Variants in ITGA9 observed in about 807,000 individuals in gnomAD.
ITGA9 encodes the protein integrin subunit alpha 9, also known as integrin alpha-9.
Under a neutral mutation model 127.8 loss-of-function variants are expected in ITGA9, and 56 were observed. That is an observed-to-expected ratio of 0.44 (90% CI 0.35 to 0.55). The LOEUF (loss-of-function observed/expected upper bound fraction) is 0.55, where lower values mean the gene tolerates loss of function less well. Among genes scored for constraint, ITGA9 ranks in the 20% least tolerant of loss-of-function variants. ITGA9 has a pLI of 0.00. For missense variants in ITGA9, 1,196 were observed against 1,347.1 expected (o/e 0.89, Z 1.76); for synonymous variants, 508 against 514.5 (o/e 0.99, Z 0.17).
At chr3:37,818,285 A>C (rs1383057813) in intron 27 of ITGA9, 1 of 99,590 alleles carries the variant, frequency 1.0e-5, no homozygotes, top group Non-Finnish European at 1.8e-5. Flanking sequence ...TTTGAGATGG[A>C]GTCTCACTCT....
At chr3:37,654,131 G>T (rs1700454238) in intron 17 of ITGA9, among the ~76,000 whole-genome samples, 1 of 150,722 alleles carries the variant, frequency 6.6e-6, no homozygotes, top group Non-Finnish European at 1.5e-5. Flanking sequence ...TGAACTTTTG[G>T]ACAATTTCAT....
chr3:37,697,293 T>C (rs2125670725), intron 18 of ITGA9, among the ~76,000 whole-genome samples: 1 of 147,466 alleles, frequency 6.8e-6, no homozygotes, highest in South Asian at 2.2e-4. Context: ...TTAGTACAAA[T>C]AACGACTACT....
At chr3:37,457,841 T>G (rs1698277562) in intron 1 of ITGA9, among the ~76,000 whole-genome samples, 1 of 152,166 alleles carries the variant, frequency 6.6e-6, no homozygotes, top group South Asian at 2.1e-4. Context: ...TCTTGCCCAG[T>G]GGAGAACCTT....
chr3:37,457,753 T>C (rs1291284124), intron 1 of ITGA9, among the ~76,000 whole-genome samples: 2 of 152,242 alleles, frequency 1.3e-5, no homozygotes, highest in East Asian at 3.8e-4. Context: ...GGGAAATTTC[T>C]CTGAAGATCT....
chr3:37,690,943 G>C (rs1700825769), intron 18 of ITGA9, among the ~76,000 whole-genome samples: 1 of 152,140 alleles, frequency 6.6e-6, no homozygotes, highest in African/African-American at 2.4e-5. Flanking sequence ...TGGGCAATGG[G>C]GCTTATTCCT....
At chr3:37,700,620 A>G (rs6550500) in intron 18 of ITGA9, among the ~76,000 whole-genome samples, 38,967 of 151,976 alleles carry the variant, frequency 0.26, 7,924 homozygotes, top group African/African-American at 0.56. Flanking sequence ...AAAGTGCTGG[A>G]GATTACAGAG....
intron 26 of ITGA9, among the ~76,000 whole-genome samples, chr3:37,791,098 C>T (rs1272791322): frequency 6.6e-6 from 1 of 152,058 alleles, no homozygotes; most frequent in East Asian, 1.9e-4. Flanking sequence ...GGCGCTTTCT[C>T]TGATCCCTGA....
At chr3:37,804,794 C>A (rs1462048531) in intron 27 of ITGA9, among the ~76,000 whole-genome samples, 1 of 152,138 alleles carries the variant, frequency 6.6e-6, no homozygotes, top group African/African-American at 2.4e-5. Context: ...CAACTAATTT[C>A]TTTGGGATTA....
In ITGA9 at chr3:37,533,326, C is replaced by T. The variant is rs1422757021; in HGVS notation, c.1386C>T (p.Val462=). The T allele has an allele frequency of 3.1e-5, 50 of 1,614,088 alleles. No homozygotes were observed. The Admixed American group carries it at 5.3e-4, about 17-fold the overall frequency. ...DSVVLLRARP[V]ITVDVSIFLP... ...TCTTGCCCTGCAGAGCAAGGCCTGT[C>T]ATTACGGTGGATGTCTCCATCTTCC... Residue 462 remains valine, a synonymous_variant, in exon 14 of 28, where the codon GTC becomes GTT. Transcript: ENST00000264741.
intron 27 of ITGA9, among the ~76,000 whole-genome samples, chr3:37,810,169 G>A (rs568851198): frequency 6.6e-6 from 1 of 152,310 alleles, no homozygotes; most frequent in Admixed American, 6.5e-5. Flanking sequence ...GCTGCCTTGA[G>A]GTCCGGAGCC....
intron 5 of ITGA9, among the ~76,000 whole-genome samples, chr3:37,496,515 A>G (rs1193411793): frequency 3.3e-5 from 5 of 152,174 alleles, no homozygotes; most frequent in Admixed American, 6.5e-5. Flanking sequence ...AATCTAAGCC[A>G]TAGTTGTCTT....
intron 1 of ITGA9, among the ~76,000 whole-genome samples, chr3:37,467,277 G>A (rs780381075): frequency 6.6e-6 from 1 of 152,192 alleles, no homozygotes; most frequent in African/African-American, 2.4e-5. Context: ...CATCTGACCA[G>A]CTGATCAGAA....
intron 5 of ITGA9, among the ~76,000 whole-genome samples, chr3:37,502,413 C>T (rs1032640489): frequency 2.0e-5 from 3 of 151,958 alleles, no homozygotes; most frequent in Admixed American, 2.0e-4. Context: ...CAGGGTTTCA[C>T]CATGTTGGCC....
chr3:37,496,272 G>T (rs1249293708), intron 5 of ITGA9, among the ~76,000 whole-genome samples: 1 of 152,036 alleles, frequency 6.6e-6, no homozygotes, highest in Non-Finnish European at 1.5e-5. Flanking sequence ...CCCCCATTCC[G>T]CACCCTCAGT....
chr3:37,644,343 A>C (rs940162054), intron 16 of ITGA9, among the ~76,000 whole-genome samples: 2 of 152,222 alleles, frequency 1.3e-5, no homozygotes, highest in Admixed American at 1.3e-4. Context: ...AGACACAGAA[A>C]GACAAATACC....
chr3:37,538,999 G>A (rs1559531593), intron 14 of ITGA9, among the ~76,000 whole-genome samples: 2 of 152,206 alleles, frequency 1.3e-5, no homozygotes, highest in Non-Finnish European at 2.9e-5. Flanking sequence ...TAATGTGCTG[G>A]CATGCACACA....
chr3:37,765,392 A>G (rs1696768580), intron 23 of ITGA9, among the ~76,000 whole-genome samples: 1 of 152,158 alleles, frequency 6.6e-6, no homozygotes, highest in South Asian at 2.1e-4. Flanking sequence ...ATTTGAACAC[A>G]TATTTCCTTC....
intron 18 of ITGA9, among the ~76,000 whole-genome samples, chr3:37,720,126 A>C (rs1409185613): frequency 6.6e-6 from 1 of 152,210 alleles, no homozygotes; most frequent in Non-Finnish European, 1.5e-5. Flanking sequence ...AACAGTGAGC[A>C]TGTCCAGGGA....
intron 27 of ITGA9, chr3:37,818,195 A>T (rs1179940780): frequency 1.5e-4 from 19 of 129,998 alleles, no homozygotes; most frequent in African/African-American, 4.1e-4. Context: ...ACTCTCTAAA[A>T]AAAAAAAAAA....
Sources: allele counts gnomAD v4.1 joint callset (sites outside exome capture counted in the v4.1 genomes callset), GRCh38; gene constraint gnomAD v4.1.1; transcripts MANE v1.5; gene names NCBI Gene and HGNC (gene_info 2026-07-23, HGNC 2026-07-21).